Variants in GLE1 observed in about 807,000 individuals in gnomAD.
The protein encoded by GLE1 is mRNA export factor GLE1.
Under a neutral mutation model 97.3 loss-of-function variants are expected in GLE1, and 78 were observed. The ratio of observed to expected loss-of-function variants is 0.80; its 90% CI spans 0.67 to 0.97. The LOEUF is 0.97. Ranked by LOEUF, GLE1 falls within the 50% of genes least tolerant of loss-of-function variation. GLE1 has a pLI of 0.00. For missense variants in GLE1, 753 were observed against 857.5 expected, an observed-to-expected ratio of 0.88 and a Z score of 1.52; for synonymous variants, 302 against 313.4, an observed-to-expected ratio of 0.96 and a Z score of 0.39.
chr9:128,532,664 G>C (rs1847557113), intron 9 of GLE1: 1 of 957,792 alleles, frequency 1.0e-6, no homozygotes, highest in South Asian at 4.8e-5. Context: ...TTATTTTATA[G>C]ATTGCCGTTC....
At chr9:128,506,954 T>A (rs774026951) in intron 1 of GLE1, among the ~76,000 whole-genome samples, 4 of 152,200 alleles carry the variant, frequency 2.6e-5, no homozygotes, top group Non-Finnish European at 4.4e-5. Flanking sequence ...TGTAGCAATC[T>A]CTGAACTACT....
At chr9:128,505,954 G>A (rs1846628987) in intron 1 of GLE1, among the ~76,000 whole-genome samples, 1 of 152,028 alleles carries the variant, frequency 6.6e-6, no homozygotes, top group Admixed American at 6.6e-5. Flanking sequence ...ACTGTAAGGA[G>A]GTGCTTTCTA....
Position 128,523,731 on chromosome 9 carries a change from A to C in GLE1, c.782A>C (p.Gln261Pro), listed in dbSNP as rs1847219519. 6.2e-7 allele frequency: 1 copy of C among 1,614,008 alleles called. No individual in the cohort carries two copies. Among genetic ancestry groups the C allele is most frequent in the African/African-American group, 1.3e-5 (1 of 74,926 alleles). ...GAGGAGATGCTGCAGCTCAGCCAGC[A>C]GCTGGATGCCTCTGAGCAGCACAAA... is the stretch of plus-strand genomic sequence containing the variant. ...LQEEMLQLSQ[Q>P]LDASEQHKAL... Residue 261 changes from glutamine (Q) to proline (P), a missense_variant, in exon 6 of 16, where the codon CAG becomes CCG. Coordinates refer to ENST00000309971, the MANE Select transcript of GLE1 (RefSeq NM_001003722.2).
At chr9:128,515,167 T>C (rs889782734) in intron 2 of GLE1, among the ~76,000 whole-genome samples, 3 of 152,138 alleles carry the variant, frequency 2.0e-5, no homozygotes, top group Admixed American at 6.6e-5. Flanking sequence ...GCCAGGAGGA[T>C]GGAAGCTTAG....
At position 128,504,901 on chromosome 9, in the gene GLE1, C is replaced by T; in HGVS notation, c.96C>T (p.Arg32=). ...ACTACCGCGACTGGCTGCTGCGGCGCGAGGTGAGCGGTGGCCCCGGAGGAC... is the reference window on the plus strand; with the variant it reads ...ACTACCGCGACTGGCTGCTGCGGCGTGAGGTGAGCGGTGGCCCCGGAGGAC... ...LCYYRDWLLR[R]EDVLEECMSL... is the part of the protein sequence containing the mutation. Residue 32 remains arginine (R), a synonymous_variant, in exon 1 of 16, where the codon CGC becomes CGT. Transcript: ENST00000309971. The T allele has an allele frequency of 6.2e-7, 1 of 1,603,520 alleles. No homozygotes were observed.
rs374483412 is a variant in GLE1 at position 128,507,992 on chromosome 9, T to C, written c.100-884T>C. ...GTCAGGAGTTCGAGACCAGCCTGACTAACATGGAGAAAACCCCGTATCTAC... is the reference window on the plus strand; with the variant it reads ...GTCAGGAGTTCGAGACCAGCCTGACCAACATGGAGAAAACCCCGTATCTAC... On this transcript the variant is annotated intron_variant, in intron 1 of 15. Coordinates refer to ENST00000309971, the MANE Select transcript of GLE1 (RefSeq NM_001003722.2). Among the ~76,000 whole-genome samples, 14 of 152,104 alleles carry C rather than the reference T, an allele frequency of 9.2e-5. No individual in the cohort carries two copies. The East Asian group carries it at 2.7e-3, about 29-fold the overall frequency.
chr9:128,539,572 G>T, intron 13 of GLE1, 44 bp from the exon 14 acceptor site: 1 of 1,566,152 alleles, frequency 6.4e-7, no homozygotes, highest in African/African-American at 1.3e-5. Flanking sequence ...CTGTGAGTGT[G>T]AATTTTCATT....
intron 3 of GLE1, 110 bp from the exon 4 acceptor site, chr9:128,522,558 C>A: frequency 8.2e-7 from 1 of 1,222,744 alleles, no homozygotes; most frequent in Non-Finnish European, 1.1e-6. Context: ...GGAGCTGAGA[C>A]AAGAATCGCT....
chr9:128,526,819 G>A (rs116733406), intron 7 of GLE1, among the ~76,000 whole-genome samples: 2,035 of 152,024 alleles, frequency 0.013, 55 homozygotes, highest in African/African-American at 0.046. Context: ...ACAGGCATGC[G>A]CCACCCTGCC....
At chr9:128,505,879 A>G (rs760434638) in intron 1 of GLE1, among the ~76,000 whole-genome samples, 2 of 152,184 alleles carry the variant, frequency 1.3e-5, no homozygotes, top group East Asian at 1.9e-4. Flanking sequence ...CGATACCTCT[A>G]TGACGTTGCC....
At chr9:128,519,732 T>C (rs1044747146) in intron 3 of GLE1, among the ~76,000 whole-genome samples, 6 of 152,304 alleles carry the variant, frequency 3.9e-5, no homozygotes, top group African/African-American at 1.4e-4. Flanking sequence ...GTGAAGTACT[T>C]GATGTGTGTG....
chr9:128,540,159 T>G, intron 14 of GLE1, 116 bp from the exon 15 acceptor site: 1 of 769,246 alleles, frequency 1.3e-6, no homozygotes, highest in Non-Finnish European at 2.3e-6. Flanking sequence ...AAGGCCTCGG[T>G]GAGCTATGAT....
chr9:128,537,847 G>A, intron 12 of GLE1, 139 bp from the exon 13 acceptor site: 1 of 696,364 alleles, frequency 1.4e-6, no homozygotes, highest in Non-Finnish European at 2.6e-6. Flanking sequence ...TTTAGTTTGT[G>A]TTATTTCTGC....
At position 128,539,601 on chromosome 9, in the gene GLE1, T is replaced by G. The variant is rs1297576357; in HGVS notation, c.1882-15T>G. 1 of 1,607,640 alleles carries G rather than the reference T, an allele frequency of 6.2e-7. No homozygotes were observed. Among genetic ancestry groups the G allele is most frequent in the Non-Finnish European group, 8.5e-7 (1 of 1,174,146 alleles). On this transcript the variant is annotated splice_polypyrimidine_tract_variant and intron_variant, in intron 13 of 15. Transcript: ENST00000309971. ...TTTCATTTTCTGCTCTGACAGTGCC[T>G]GTCTTTCCCTCTAGGTGTGTGGGAA...
chr9:128,510,277 G>A (rs1032636578), intron 2 of GLE1, among the ~76,000 whole-genome samples: 2 of 151,254 alleles, frequency 1.3e-5, no homozygotes, highest in African/African-American at 4.9e-5. Flanking sequence ...CCCCCAGGCT[G>A]GAGTGCAGTG....
At chr9:128,507,918 G>A (rs1298780042) in intron 1 of GLE1, among the ~76,000 whole-genome samples, 1 of 151,602 alleles carries the variant, frequency 6.6e-6, no homozygotes, top group African/African-American at 2.4e-5. Flanking sequence ...AGTGGCTCAC[G>A]CCTGTAATCC....
Position 128,523,328 on chromosome 9 carries a change from T to C in GLE1, c.630T>C (p.Arg210=), listed in dbSNP as rs775371645. The change falls in exon 5 of 16, where the codon CGT becomes CGC. Residue 210 remains arginine, a synonymous_variant. Transcript: ENST00000309971. ...GHQEKLKAEH[R]HRAKILNLKL... ...AAGAGAAGCTAAAAGCTGAGCACCGTCACAGAGCAAAGGTCAGAGCCTGGC... is the reference window on the plus strand; with the variant it reads ...AAGAGAAGCTAAAAGCTGAGCACCGCCACAGAGCAAAGGTCAGAGCCTGGC... 1 of 1,613,076 alleles carries C rather than the reference T, an allele frequency of 6.2e-7. No homozygotes were observed. The highest frequency in any genetic ancestry group is 1.1e-5 in the South Asian group (1 of 91,060).
intron 2 of GLE1, among the ~76,000 whole-genome samples, chr9:128,509,320 T>G (rs1846735698): frequency 6.6e-6 from 1 of 152,048 alleles, no homozygotes; most frequent in African/African-American, 2.4e-5. Context: ...TATAACTAAT[T>G]TCATGAGCAA....
intron 9 of GLE1, among the ~76,000 whole-genome samples, chr9:128,533,235 CCAACATGG>C (rs1171446338): frequency 3.3e-5 from 5 of 151,458 alleles, no homozygotes; most frequent in Non-Finnish European, 5.9e-5. Context: ...ACCAGCCTGG[CCAACATGG>C]TGAAATCCCA....
Sources: allele counts gnomAD v4.1 joint callset (sites outside exome capture counted in the v4.1 genomes callset), GRCh38; gene constraint gnomAD v4.1.1; transcripts MANE v1.5; gene names NCBI Gene and HGNC (gene_info 2026-07-23, HGNC 2026-07-21).